ADHFE1: variants seen among roughly 807,000 people sequenced by gnomAD.
ADHFE1 encodes the protein alcohol dehydrogenase iron containing 1.
In ADHFE1, 37 loss-of-function variants were observed where a neutral mutation model predicts 54.8. That is an observed-to-expected ratio of 0.68 (90% confidence interval 0.52 to 0.89). The LOEUF (loss-of-function observed/expected upper bound fraction) is 0.89. Ranked by LOEUF, ADHFE1 falls within the 40% of genes least tolerant of loss-of-function variation. The probability of loss-of-function intolerance (pLI) is 0.00; values close to 1 mark genes in which losing one functional copy is unlikely to be tolerated. For synonymous variants in ADHFE1, 203 were observed against 229.3 expected (o/e 0.89, Z 1.04); for missense variants, 601 against 591.2 (o/e 1.02, Z -0.17).
chr8:66,467,807 C>T (rs571706136), intron 13 of ADHFE1, among the ~76,000 whole-genome samples: 35 of 152,274 alleles, frequency 2.3e-4, no homozygotes, highest in South Asian at 1.9e-3. Flanking sequence ...TAGAAAAAAA[C>T]GGAGTCACTT....
rs1456038058 is a variant in ADHFE1 at position 66,439,538 on chromosome 8, C to G, written c.60-624C>G. On this transcript the variant is annotated intron_variant, in intron 1 of 13. Coordinates refer to ENST00000396623, the MANE Select transcript of ADHFE1 (RefSeq NM_144650.3). This position sits in a 1 kb window ranked among gnomAD's most constrained non-coding sequence, Gnocchi z 4.4. Reference sequence around the variant, plus strand: ...ATGCGGTGGCGACCTCGGAGCGCACCGGGTGTGCGCGCAGCTGGGGCCTCT... The same window carrying G: ...ATGCGGTGGCGACCTCGGAGCGCACGGGGTGTGCGCGCAGCTGGGGCCTCT... 2.0e-6 allele frequency: 2 copies of G among 985,180 alleles called. No individual in the cohort carries two copies. The highest frequency in any genetic ancestry group is 3.5e-5 in the African/African-American group (2 of 57,088). The allele number at this position is 985,180 out of a possible 1,614,324, so 61.0% of individuals were successfully genotyped here.
chr8:66,453,084 T>G (rs942303717), intron 9 of ADHFE1, among the ~76,000 whole-genome samples: 2 of 152,176 alleles, frequency 1.3e-5, no homozygotes, highest in Non-Finnish European at 2.9e-5. Flanking sequence ...ACAGCAGCAC[T>G]TGACTAGATC....
intron 7 of ADHFE1, among the ~76,000 whole-genome samples, chr8:66,447,841 T>C (rs1806109650): frequency 6.6e-6 from 1 of 152,246 alleles, no homozygotes; most frequent in African/African-American, 2.4e-5. Context: ...TTACTGACTG[T>C]ATACCAATGA....
intron 9 of ADHFE1, 122 bp from the exon 10 acceptor site, chr8:66,453,937 T>G (rs1314071016): frequency 6.5e-7 from 1 of 1,529,090 alleles, no homozygotes; most frequent in Admixed American, 2.2e-5. Flanking sequence ...ACTTGCCTGA[T>G]TTTTCTTCCT....
intron 9 of ADHFE1, chr8:66,453,713 CG>C: frequency 7.3e-7 from 1 of 1,371,456 alleles, no homozygotes; most frequent in Non-Finnish European, 9.8e-7. Context: ...TTCACAGGGC[CG>C]TCAACAGCAC....
rs73255622 is a variant in ADHFE1 at position 66,454,095 on chromosome 8, T to G, written c.924T>G (p.Ser308=). ...VRNPDDLEAR[S]HMHLASAFAG... is the part of the protein sequence containing the mutation. ...ATCCCGATGATCTTGAAGCAAGGTC[T>G]CATATGCACTTGGCAAGTGCTTTTG... is the stretch of plus-strand genomic sequence containing the variant. The change falls in exon 10 of 14, where the codon TCT becomes TCG. Residue 308 remains serine (S), a synonymous_variant. Coordinates refer to ENST00000396623, the MANE Select transcript of ADHFE1 (RefSeq NM_144650.3). The G allele has an allele frequency of 1.2e-5, 19 of 1,614,196 alleles. No individual in the cohort carries two copies. The African/African-American group carries it at 2.5e-4, about 22-fold the overall frequency.
chr8:66,462,796 G>A (rs1806972048), intron 13 of ADHFE1, among the ~76,000 whole-genome samples: 1 of 152,080 alleles, frequency 6.6e-6, no homozygotes, highest in Non-Finnish European at 1.5e-5. Flanking sequence ...TTCTACTGTG[G>A]TCAGACTGTC....
At chr8:66,437,584 A>G (rs1394000924) in intron 1 of ADHFE1, among the ~76,000 whole-genome samples, 2 of 139,202 alleles carry the variant, frequency 1.4e-5, no homozygotes, top group African/African-American at 5.3e-5. Flanking sequence ...CATGCCAGGA[A>G]AAGAGAAGAG....
chr8:66,461,509 C>A (rs1166508295), intron 13 of ADHFE1, among the ~76,000 whole-genome samples: 4 of 152,118 alleles, frequency 2.6e-5, no homozygotes, highest in African/African-American at 9.7e-5. Flanking sequence ...CCTCACCACT[C>A]ACTTAAGATA....
chr8:66,458,000 G>T (rs933406179), intron 12 of ADHFE1, among the ~76,000 whole-genome samples: 1 of 152,104 alleles, frequency 6.6e-6, no homozygotes, highest in African/African-American at 2.4e-5. Context: ...TCCTGAAAGA[G>T]GAGTCTGTTT....
rs765664962 is a variant in ADHFE1, at chr8:66,452,030, C to A, written c.812C>A (p.Ala271Glu). ...CCTTCAAATCCCATCACACGGCCTG[C>A]GTACCAGGGCAGCAACCCAATCAGT... ...PCPSNPITRP[A>E]YQGSNPISDI... The change falls in exon 9 of 14, where the codon GCG becomes GAG. Residue 271 changes from alanine (A) to glutamate (E), a missense_variant. Coordinates refer to ENST00000396623, the MANE Select transcript of ADHFE1 (RefSeq NM_144650.3). 11 of 1,614,218 alleles carry A rather than the reference C, an allele frequency of 6.8e-6. No homozygotes were observed. In the East Asian group the frequency reaches 1.1e-4, roughly 16 times the overall value.
Position 66,445,415 on chromosome 8 carries a change from G to A in ADHFE1, c.550+1G>A, listed in dbSNP as rs368064425. 12 of 1,598,538 alleles carry A rather than the reference G, an allele frequency of 7.5e-6. No individual in the cohort carries two copies. The African/African-American group carries it at 1.5e-4, about 20-fold the overall frequency. Reference sequence around the variant, plus strand: ...GTGCCTCTTAAGCCTCTGATTGCAGGTAAAGACTGTTTATTTCTTTGTTTG... The same window carrying A: ...GTGCCTCTTAAGCCTCTGATTGCAGATAAAGACTGTTTATTTCTTTGTTTG... On this transcript the variant is annotated splice_donor_variant, in intron 6 of 13. Coordinates refer to ENST00000396623, the MANE Select transcript of ADHFE1 (RefSeq NM_144650.3). LOFTEE classifies it high-confidence loss of function.
chr8:66,451,312 T>C (rs1806288106), intron 8 of ADHFE1, among the ~76,000 whole-genome samples: 1 of 152,226 alleles, frequency 6.6e-6, no homozygotes, highest in African/African-American at 2.4e-5. Flanking sequence ...TACTAAGGTA[T>C]ACAATGTGCC....
Position 66,457,335 on chromosome 8 carries a change from G to T in ADHFE1, c.1162+169G>T, listed in dbSNP as rs180769438. Among the ~76,000 whole-genome samples, 24 of 148,518 alleles carry T rather than the reference G, an allele frequency of 1.6e-4. 1 individual carries two copies. Among genetic ancestry groups the T allele is most frequent in the South Asian group, 2.1e-4 (1 of 4,684 alleles). Reference sequence around the variant, plus strand: ...CTCTACCAAAAAAAAAAAAATAGCCGTGTACAGTAGTGCAAGACCATAGTC... The same window carrying T: ...CTCTACCAAAAAAAAAAAAATAGCCTTGTACAGTAGTGCAAGACCATAGTC... On this transcript the variant is annotated intron_variant, in intron 12 of 13. Coordinates refer to ENST00000396623, the MANE Select transcript of ADHFE1 (RefSeq NM_144650.3).
In ADHFE1 at chr8:66,445,357, A is replaced by G; in HGVS notation, c.493A>G (p.Ser165Gly). The G allele has an allele frequency of 3.1e-6, 5 of 1,614,040 alleles. No individual in the cohort carries two copies. Among genetic ancestry groups the G allele is most frequent in the Non-Finnish European group, 4.2e-6 (5 of 1,180,016 alleles). ...TCATTCTGATTTCCTAGATTATGTC[A>G]GTGCCCCCATTGGCAAGGGAAAGCC... ...SPHSDFLDYV[S>G]APIGKGKPVS... Residue 165 changes from serine to glycine, a missense_variant, in exon 6 of 14, where the codon AGT becomes GGT. Ser to Gly is a moderately conservative substitution (Grantham distance 56). Coordinates refer to ENST00000396623, the MANE Select transcript of ADHFE1 (RefSeq NM_144650.3).
intron 8 of ADHFE1, among the ~76,000 whole-genome samples, chr8:66,450,477 A>G (rs1465798317): frequency 6.6e-6 from 1 of 152,232 alleles, no homozygotes; most frequent in African/African-American, 2.4e-5. Context: ...CAAGCCATGT[A>G]TTAAATCTTC....
At chr8:66,460,191 C>A in intron 12 of ADHFE1, 117 bp from the exon 13 acceptor site, 2 of 1,326,342 alleles carry the variant, frequency 1.5e-6, no homozygotes, top group South Asian at 1.3e-5. Flanking sequence ...TGGCCCCGTG[C>A]TGGGCGTTAG....
intron 1 of ADHFE1, 145 bp downstream of exon 1, chr8:66,432,720 G>T (rs2130310381): frequency 1.3e-5 from 16 of 1,232,666 alleles, no homozygotes; most frequent in Non-Finnish European, 1.5e-5. Context: ...CTCCCACCGC[G>T]CGCCAGGCGG....
At chr8:66,464,185 A>C (rs11780639) in intron 13 of ADHFE1, among the ~76,000 whole-genome samples, 8,027 of 152,262 alleles carry the variant, frequency 0.053, 398 homozygotes, top group Admixed American at 0.16. Context: ...CATGCCTATA[A>C]ATAATAGCAC....
Sources: gnomAD v4.1 joint callset for allele counts (sites outside exome capture counted in the v4.1 genomes callset) on GRCh38, gnomAD v4.1.1 for gene constraint, Gnocchi (gnomAD v3.1) non-coding constraint, MANE v1.5 for transcripts, NCBI Gene and HGNC (gene_info 2026-07-23, HGNC 2026-07-21) for gene names.